RAPGEFL1: variants seen among roughly 807,000 people sequenced by gnomAD.
RAPGEFL1 encodes the protein Rap guanine nucleotide exchange factor like 1.
RAPGEFL1 carries 31 observed loss-of-function variants against 64.4 expected under a neutral mutation model. That is an observed-to-expected ratio of 0.48 (90% confidence interval 0.36 to 0.65). The LOEUF (loss-of-function observed/expected upper bound fraction) is 0.65, where lower values mean the gene tolerates loss of function less well. Ranked by LOEUF, RAPGEFL1 falls within the 30% of genes least tolerant of loss-of-function variation. The pLI is 0.00. For missense variants in RAPGEFL1, 682 were observed against 677.4 expected (o/e 1.01, Z -0.08); for synonymous variants, 331 against 274.1 (o/e 1.21, Z -2.05).
chr17:40,181,832 A>G (rs1222228170), intron 2 of RAPGEFL1, 138 bp downstream of exon 2: 1 of 593,746 alleles, frequency 1.7e-6, no homozygotes, highest in Admixed American at 2.4e-5. Context: ...CTGTAATCCC[A>G]GCACTTTGGG....
At chr17:40,189,120 G>A in intron 5 of RAPGEFL1, 88 bp from the exon 6 acceptor site, 2 of 1,495,416 alleles carry the variant, frequency 1.3e-6, no homozygotes, top group Non-Finnish European at 1.9e-6. Flanking sequence ...GCCAGCCTCT[G>A]GTGGGGAATA....
intron 1 of RAPGEFL1, chr17:40,181,333 T>G (rs1331195289): frequency 5.3e-6 from 3 of 564,916 alleles, no homozygotes; most frequent in Non-Finnish European, 1.0e-5. Flanking sequence ...TCTGACCAAC[T>G]TCCCACATAC....
At chr17:40,183,985 AG>A (rs984741464) in intron 2 of RAPGEFL1, among the ~76,000 whole-genome samples, 8 of 151,796 alleles carry the variant, frequency 5.3e-5, no homozygotes, top group African/African-American at 1.9e-4. Context: ...CTGGGATTAC[AG>A]GTGCACACCA....
Position 40,191,030 on chromosome 17 carries a change from T to C in RAPGEFL1, c.1335+268T>C. 1.7e-6 allele frequency: 1 copy of C among 599,158 alleles called. No homozygotes were observed. Among genetic ancestry groups the C allele is most frequent in the Non-Finnish European group, 2.9e-6 (1 of 348,860 alleles). The allele number at this position is 599,158 out of a possible 1,614,324, so 37.1% of individuals were successfully genotyped here. A position where few individuals can be genotyped will look rare whatever the true frequency, so the allele number is the denominator to read the frequency against. On this transcript the variant is annotated intron_variant, in intron 8 of 14. Coordinates refer to ENST00000620260, the MANE Select transcript of RAPGEFL1 (RefSeq NM_016339.6). This position sits in a 1 kb window ranked among gnomAD's most constrained non-coding sequence, Gnocchi z 5.1. ...AATATTCACTATTAAAGAAATAAAATAAGGCAGAGACAATAATGCCTAGCA... is the reference window on the plus strand; with the variant it reads ...AATATTCACTATTAAAGAAATAAAACAAGGCAGAGACAATAATGCCTAGCA...
chr17:40,193,310 G>T (rs200439930), intron 13 of RAPGEFL1, 53 bp from the exon 14 acceptor site: 80 of 1,578,728 alleles, frequency 5.1e-5, no homozygotes, highest in Non-Finnish European at 6.7e-5. Flanking sequence ...GAGCATAAGA[G>T]GGGGAGCCTC....
Position 40,189,202 on chromosome 17 carries a change from G to T in RAPGEFL1, c.947-6G>T. 1 of 1,613,806 alleles carries T rather than the reference G, an allele frequency of 6.2e-7. No individual in the cohort carries two copies. The highest frequency in any genetic ancestry group is 8.5e-7 in the Non-Finnish European group (1 of 1,179,810). On this transcript the variant is annotated splice_region_variant and splice_polypyrimidine_tract_variant and intron_variant, in intron 5 of 14. Transcript: ENST00000620260. The stretch of plus-strand genomic sequence containing the variant: ...TGTTGAAAGCCATTTTCCTGTTTCC[G>T]TCCAGTCTTCTGCCGTGTATACATG...
Position 40,184,348 on chromosome 17 carries a change from A to G in RAPGEFL1, c.734A>G (p.Lys245Arg). 6.2e-7 allele frequency: 1 copy of G among 1,608,670 alleles called. No individual in the cohort carries two copies. The highest frequency in any genetic ancestry group is 8.5e-7 in the Non-Finnish European group (1 of 1,178,144). The change falls in exon 3 of 15, where the codon AAG becomes AGG. Residue 245 changes from lysine to arginine, a missense_variant and splice_region_variant. Transcript: ENST00000620260. ...QEEEGAGHII[K>R]DLYLLIMKDE... is the part of the protein sequence containing the mutation. Reference sequence around the variant, plus strand: ...GAAGAGGGGGCCGGCCACATCATCAAGGTGGGCCTGGGGGAAGAGAAGGTG... The same window carrying G: ...GAAGAGGGGGCCGGCCACATCATCAGGGTGGGCCTGGGGGAAGAGAAGGTG...
upstream of RAPGEFL1, chr17:40,177,302 CTTTG>C: frequency 2.8e-6 from 2 of 702,528 alleles, no homozygotes; most frequent in East Asian, 5.4e-5. Flanking sequence ...TCTGACTTAC[CTTTG>C]CCCTTAATTT....
In RAPGEFL1 at chr17:40,191,452, A is replaced by G. The variant is rs1243676313; in HGVS notation, c.1472A>G (p.Lys491Arg). Residue 491 changes from lysine to arginine, a missense_variant, in exon 9 of 15, where the codon AAG becomes AGG. Around this residue, in one of 2 missense-constraint regions of RAPGEFL1, gnomAD observed 411 missense variants for 519.4 expected, o/e 0.79. Transcript: ENST00000620260. This position sits in a 1 kb window ranked among gnomAD's most constrained non-coding sequence, Gnocchi z 5.1. ...TEVLLCEAPG[K>R]RAQLLKKFIK... ...GTGCTGCTCTGCGAGGCCCCGGGCA[A>G]GCGCGCGCAGCTGCTCAAGAAGTTC... is the stretch of plus-strand genomic sequence containing the variant. 1 of 1,606,876 alleles carries G rather than the reference A, an allele frequency of 6.2e-7. No homozygotes were observed. Among genetic ancestry groups the G allele is most frequent in the Non-Finnish European group, 8.5e-7 (1 of 1,178,458 alleles).
At position 40,194,791 on chromosome 17, in the gene RAPGEFL1, C is replaced by G. The variant is rs1456356650; in HGVS notation, c.*1003C>G. ...GACACCAACAACATGGTCTCTGTCC[C>G]TCTCTCTTTGACTCTCCCTTTGTCC... On this transcript the variant is annotated 3_prime_UTR_variant, in exon 15 of 15. Coordinates refer to ENST00000620260, the MANE Select transcript of RAPGEFL1 (RefSeq NM_016339.6). 6.6e-6 allele frequency: 1 copy of G among 152,446 alleles called. No individual in the cohort carries two copies. The highest frequency in any genetic ancestry group is 6.5e-5 in the Admixed American group (1 of 15,272). The allele number at this position is 152,446 out of a possible 1,614,324, so 9.4% of individuals were successfully genotyped here.
rs776310676 is a variant in RAPGEFL1, at chr17:40,184,250, G to T, written c.636G>T (p.Gly212=). 1 of 1,613,588 alleles carries T rather than the reference G, an allele frequency of 6.2e-7. No individual in the cohort carries two copies. Among genetic ancestry groups the T allele is most frequent in the East Asian group, 2.2e-5 (1 of 44,856 alleles). Reference sequence around the variant, plus strand: ...CAGGAGGCATGGAGGGCCCTGAAGGGCTGGGCCGGAAGCAAGCCTGTCTAG... The same window carrying T: ...CAGGAGGCATGGAGGGCCCTGAAGGTCTGGGCCGGAAGCAAGCCTGTCTAG... ...VRAGGMEGPE[G]LGRKQACLAM... The change falls in exon 3 of 15, where the codon GGG becomes GGT. Residue 212 remains glycine, a synonymous_variant. Transcript: ENST00000620260.
In RAPGEFL1 at chr17:40,177,476, C is replaced by A. The variant is rs983610919; in HGVS notation, c.-386C>A. 1 of 633,402 alleles carries A rather than the reference C, an allele frequency of 1.6e-6. No homozygotes were observed. The highest frequency in any genetic ancestry group is 2.4e-5 in the Admixed American group (1 of 41,078). The allele number at this position is 633,402 out of a possible 1,614,324, so 39.2% of individuals were successfully genotyped here. ...CGCGGTCTCGGTTCTGCCACCTTCC[C>A]CCTCTTCACGGCCAGGAGCGCAGCC... On this transcript the variant is annotated 5_prime_UTR_variant, in exon 1 of 15. Coordinates refer to ENST00000620260, the MANE Select transcript of RAPGEFL1 (RefSeq NM_016339.6).
intron 8 of RAPGEFL1, 149 bp downstream of exon 8, chr17:40,190,911 T>A: frequency 7.7e-7 from 1 of 1,304,514 alleles, no homozygotes. Context: ...TTCCCCCATC[T>A]GAAAAAAATC....
intron 1 of RAPGEFL1, chr17:40,181,310 C>T: frequency 1.9e-6 from 1 of 527,566 alleles, no homozygotes; most frequent in Non-Finnish European, 3.7e-6. Context: ...CAGAACTCAA[C>T]CTTGGTGTGT....
At chr17:40,185,209 C>T (rs1036843247) in intron 4 of RAPGEFL1, among the ~76,000 whole-genome samples, 1 of 152,170 alleles carries the variant, frequency 6.6e-6, no homozygotes, top group Non-Finnish European at 1.5e-5. Context: ...TATTTAACAA[C>T]CAGTGCTGCA....
At chr17:40,181,345 C>G in intron 1 of RAPGEFL1, 1 of 583,670 alleles carries the variant, frequency 1.7e-6, no homozygotes. Context: ...CCCACATACG[C>G]TGAAGAGAAG....
At chr17:40,177,174 C>T (rs1414307487), upstream of RAPGEFL1, 4 of 702,632 alleles carry the variant, frequency 5.7e-6, no homozygotes, top group East Asian at 2.7e-5. Context: ...GTAGGCCTGA[C>T]TTGGGTACAC....
chr17:40,177,484 A>G lies in RAPGEFL1; in HGVS notation c.-378A>G. ...CGGTTCTGCCACCTTCCCCCTCTTC[A>G]CGGCCAGGAGCGCAGCCGCCGCCGC... On this transcript the variant is annotated 5_prime_UTR_variant, in exon 1 of 15. Coordinates refer to ENST00000620260, the MANE Select transcript of RAPGEFL1 (RefSeq NM_016339.6). 1 of 621,792 alleles carries G rather than the reference A, an allele frequency of 1.6e-6. No homozygotes were observed. Among genetic ancestry groups the G allele is most frequent in the East Asian group, 2.8e-5 (1 of 35,736 alleles). The allele number at this position is 621,792 out of a possible 1,614,324, so 38.5% of individuals were successfully genotyped here. A position where few individuals can be genotyped will look rare whatever the true frequency, so the allele number is the denominator to read the frequency against.
intron 10 of RAPGEFL1, 146 bp from the exon 11 acceptor site, chr17:40,192,067 C>T: frequency 2.7e-6 from 2 of 739,892 alleles, no homozygotes; most frequent in South Asian, 3.3e-5. Flanking sequence ...CAAGGCCTGA[C>T]TTCATTTCCC....
Sources: allele counts gnomAD v4.1 joint callset (sites outside exome capture counted in the v4.1 genomes callset), GRCh38; gene constraint gnomAD v4.1.1; regional missense constraint gnomAD v4.1.1; non-coding constraint Gnocchi (gnomAD v3.1); transcripts MANE v1.5; gene names NCBI Gene and HGNC (gene_info 2026-07-23, HGNC 2026-07-21).